NRDC: variants seen among roughly 807,000 people sequenced by gnomAD.
NRDC encodes the protein nardilysin convertase.
In NRDC, 54 loss-of-function variants were observed where a neutral mutation model predicts 147.1. The ratio of observed to expected loss-of-function variants is 0.37; its 90% CI spans 0.29 to 0.46. The LOEUF (loss-of-function observed/expected upper bound fraction) is 0.46, where lower values mean the gene tolerates loss of function less well. Among genes scored for constraint, NRDC ranks in the 20% least tolerant of loss-of-function variants. The pLI, the probability that NRDC is intolerant of heterozygous loss-of-function variation, is 1.00. For missense variants in NRDC, 1,082 were observed against 1,370.6 expected (o/e 0.79, Z 3.33); for synonymous variants, 440 against 482.1 (o/e 0.91, Z 1.14).
intron 11 of NRDC, among the ~76,000 whole-genome samples, chr1:51,815,614 A>G (rs1430504736): frequency 6.6e-6 from 1 of 152,172 alleles, no homozygotes; most frequent in Non-Finnish European, 1.5e-5. Flanking sequence ...CAATATCATT[A>G]GTTTATTATT....
intron 25 of NRDC, 41 bp from the exon 26 acceptor site, chr1:51,792,139 G>A (rs1159123840): frequency 1.2e-6 from 2 of 1,610,982 alleles, no homozygotes; most frequent in South Asian, 2.2e-5. Context: ...ACTCCTCCCA[G>A]CAGAGAAACC....
chr1:51,853,229 A>G (rs112774631), intron 1 of NRDC, among the ~76,000 whole-genome samples: 1 of 150,194 alleles, frequency 6.7e-6, no homozygotes, highest in Admixed American at 6.7e-5. Context: ...AAAAAAATAT[A>G]TATATATATA....
At chr1:51,847,332 C>A (rs559732749) in intron 1 of NRDC, among the ~76,000 whole-genome samples, 1 of 152,384 alleles carries the variant, frequency 6.6e-6, no homozygotes, top group Non-Finnish European at 1.5e-5. Flanking sequence ...GGATCCAGCA[C>A]CGGGCCAGCA....
intron 4 of NRDC, among the ~76,000 whole-genome samples, chr1:51,830,226 G>C (rs1680647545): frequency 6.6e-6 from 1 of 152,082 alleles, no homozygotes; most frequent in Non-Finnish European, 1.5e-5. Context: ...GCCTCCCAAA[G>C]TGCTGAGATT....
intron 19 of NRDC, 143 bp downstream of exon 19, chr1:51,805,367 G>GT (rs1679414836): frequency 1.7e-6 from 1 of 583,092 alleles, no homozygotes; most frequent in African/African-American, 2.0e-5. Flanking sequence ...CAAATAACTT[G>GT]TTTGGAGTAC....
intron 30 of NRDC, 61 bp downstream of exon 30, chr1:51,789,506 CA>C: frequency 6.3e-7 from 1 of 1,586,820 alleles, no homozygotes; most frequent in South Asian, 1.1e-5. Context: ...TGATGATAAC[CA>C]CCCAAACTCA....
intron 1 of NRDC, among the ~76,000 whole-genome samples, chr1:51,875,633 A>G (rs1252006691): frequency 2.0e-5 from 3 of 151,274 alleles, no homozygotes; most frequent in African/African-American, 7.3e-5. Context: ...ATCATGGCTC[A>G]CTGCAGCCTC....
At chr1:51,791,248 C>G (rs1266309769) in intron 27 of NRDC, among the ~76,000 whole-genome samples, 2 of 152,124 alleles carry the variant, frequency 1.3e-5, no homozygotes, top group African/African-American at 4.8e-5. Flanking sequence ...CATGTATGAC[C>G]ATTCCAAAGC....
At position 51,814,826 on chromosome 1, in the gene NRDC, A is replaced by G. The variant is rs1307104734; in HGVS notation, c.1440-13T>C. On this transcript the variant is annotated splice_polypyrimidine_tract_variant and intron_variant, in intron 11 of 30. Coordinates refer to ENST00000352171, the MANE Select transcript of NRDC (RefSeq NM_001101662.2). ...AAGAGCCCAGCATCTACAGGTGGGG[A>G]AAAAATTAACCCAATCAATGTTCCT... 35 of 1,562,288 alleles carry G rather than the reference A, an allele frequency of 2.2e-5. No homozygotes were observed. The highest frequency in any genetic ancestry group is 2.9e-5 in the Non-Finnish European group (34 of 1,159,758).
intron 1 of NRDC, among the ~76,000 whole-genome samples, chr1:51,873,394 A>G (rs545688554): frequency 1.3e-5 from 2 of 152,154 alleles, no homozygotes; most frequent in Non-Finnish European, 2.9e-5. Context: ...TCCACAGCAT[A>G]TAATAGTAAA....
At chr1:51,847,901 G>A (rs528299430) in intron 1 of NRDC, among the ~76,000 whole-genome samples, 6 of 152,384 alleles carry the variant, frequency 3.9e-5, no homozygotes, top group African/African-American at 1.4e-4. Context: ...AGCGAGGGCT[G>A]TGAGGGCTGC....
chr1:51,792,526 C>T (rs892007828), intron 24 of NRDC, 102 bp from the exon 25 acceptor site: 6 of 967,156 alleles, frequency 6.2e-6, no homozygotes, highest in Admixed American at 1.8e-5. Context: ...CACCACCAAT[C>T]GCTCTCCCCC....
At chr1:51,843,526 T>C (rs1334683982) in intron 1 of NRDC, among the ~76,000 whole-genome samples, 9 of 152,220 alleles carry the variant, frequency 5.9e-5, no homozygotes, top group Admixed American at 5.9e-4. Context: ...GACACTTTGC[T>C]AAACATTTGT....
At chr1:51,862,230 T>C (rs1054575747) in intron 1 of NRDC, 12 of 151,866 alleles carry the variant, frequency 7.9e-5, no homozygotes, top group Non-Finnish European at 1.3e-4. Flanking sequence ...AAAATACATA[T>C]ATACGTATAT....
intron 15 of NRDC, 40 bp downstream of exon 15, chr1:51,811,954 T>C: frequency 7.5e-7 from 1 of 1,328,426 alleles, no homozygotes; most frequent in South Asian, 1.2e-5. Context: ...CACCCTCCTC[T>C]TCCCCTAAAA....
chr1:51,808,130 T>C (rs1679552648), intron 17 of NRDC, among the ~76,000 whole-genome samples: 1 of 152,180 alleles, frequency 6.6e-6, no homozygotes, highest in Non-Finnish European at 1.5e-5. Context: ...AGGCTTTTTT[T>C]CCCTAATGAA....
intron 1 of NRDC, among the ~76,000 whole-genome samples, chr1:51,855,639 C>G (rs988202128): frequency 1.3e-5 from 2 of 151,840 alleles, no homozygotes; most frequent in Non-Finnish European, 2.9e-5. Flanking sequence ...GAAAAAAACC[C>G]TATTAAAAAA....
intron 17 of NRDC, 106 bp from the exon 18 acceptor site, chr1:51,807,019 A>T: frequency 7.2e-7 from 1 of 1,384,162 alleles, no homozygotes; most frequent in Non-Finnish European, 9.7e-7. Context: ...TGGCAAAAAT[A>T]AGCCAAATTC....
At chr1:51,821,979 C>T (rs1476274031) in intron 7 of NRDC, among the ~76,000 whole-genome samples, 1 of 151,946 alleles carries the variant, frequency 6.6e-6, no homozygotes, top group East Asian at 1.9e-4. Context: ...TTTTATATTC[C>T]ACTTGTTTTA....
Sources: allele counts gnomAD v4.1 joint callset (sites outside exome capture counted in the v4.1 genomes callset), GRCh38; gene constraint gnomAD v4.1.1; transcripts MANE v1.5; gene names NCBI Gene and HGNC (gene_info 2026-07-23, HGNC 2026-07-21).